Variants in IQGAP2 observed in about 807,000 individuals in gnomAD.
IQGAP2 encodes the protein ras GTPase-activating-like protein IQGAP2.
A neutral mutation model predicts 201.3 loss-of-function variants in IQGAP2; 173 were observed. That is an observed-to-expected ratio of 0.86 (90% CI 0.76 to 0.98). The LOEUF (loss-of-function observed/expected upper bound fraction) is 0.98. IQGAP2 is among the 50% of genes least tolerant of loss of function. The probability of loss-of-function intolerance (pLI) is 0.00; values close to 1 mark genes in which losing one functional copy is unlikely to be tolerated. For synonymous variants in IQGAP2, 675 were observed against 673.9 expected (o/e 1.00, Z -0.03); for missense variants, 1,687 against 1,864.8 (o/e 0.90, Z 1.76).
Position 76,403,412 on chromosome 5 carries a change from G to A in IQGAP2, c.-134G>A. ...GAGAGCACCGAGGGAGTGGGTCGCAGATCTTCGGGCGGCTAGGGGAAATCG... is the reference window on the plus strand; with the variant it reads ...GAGAGCACCGAGGGAGTGGGTCGCAAATCTTCGGGCGGCTAGGGGAAATCG... On this transcript the variant is annotated 5_prime_UTR_variant, in exon 1 of 36. Coordinates refer to ENST00000274364, the MANE Select transcript of IQGAP2 (RefSeq NM_006633.5). This position sits in a 1 kb window ranked among gnomAD's most constrained non-coding sequence, Gnocchi z 4.8. 1.7e-6 allele frequency: 1 copy of A among 600,582 alleles called. No homozygotes were observed. Among genetic ancestry groups the A allele is most frequent in the South Asian group, 4.2e-5 (1 of 23,900 alleles). The allele number at this position is 600,582 out of a possible 1,614,324, so 37.2% of individuals were successfully genotyped here.
chr5:76,662,827 C>T (rs932738000), intron 21 of IQGAP2, among the ~76,000 whole-genome samples: 2 of 152,116 alleles, frequency 1.3e-5, no homozygotes, highest in African/African-American at 4.8e-5. Flanking sequence ...GGAAATGTTG[C>T]TTTTTTAAAA....
At chr5:76,522,322 A>G (rs544757280) in intron 2 of IQGAP2, among the ~76,000 whole-genome samples, 30 of 152,088 alleles carry the variant, frequency 2.0e-4, no homozygotes, top group Admixed American at 9.8e-4. Flanking sequence ...AGCTGGGATT[A>G]TAGGTGCCTG....
intron 2 of IQGAP2, among the ~76,000 whole-genome samples, chr5:76,465,566 T>A (rs10054147): frequency 1.3e-5 from 2 of 152,004 alleles, no homozygotes; most frequent in African/African-American, 4.8e-5. Flanking sequence ...GGCATCCAGG[T>A]TAGAAAGGAA....
intron 35 of IQGAP2, among the ~76,000 whole-genome samples, chr5:76,706,393 G>A (rs1484827858): frequency 1.3e-5 from 2 of 152,064 alleles, no homozygotes; most frequent in Non-Finnish European, 2.9e-5. Flanking sequence ...TGTCGCTGAG[G>A]CTGGAGTACA....
rs1580555239 is a variant in IQGAP2, at chr5:76,597,474, C to G, written c.943C>G (p.Pro315Ala). ...AGTGGACCATATCAATGCTGTCATT[C>G]CGGAAGGTGACCCCGAGAATACGCT... ...AAVDHINAVI[P>A]EGDPENTLLA... The change falls in exon 10 of 36, where the codon CCG becomes GCG. Residue 315 changes from proline to alanine, a missense_variant. Coordinates refer to ENST00000274364, the MANE Select transcript of IQGAP2 (RefSeq NM_006633.5). The G allele has an allele frequency of 6.2e-7, 1 of 1,613,994 alleles. No individual in the cohort carries two copies. The highest frequency in any genetic ancestry group is 2.2e-5 in the East Asian group (1 of 44,878).
chr5:76,502,493 G>A (rs1004367120), intron 2 of IQGAP2, among the ~76,000 whole-genome samples: 12 of 152,188 alleles, frequency 7.9e-5, no homozygotes, highest in Admixed American at 2.0e-4. Flanking sequence ...ACCACTTGCT[G>A]AGGGACAATA....
At chr5:76,595,243 C>CTTTTTTTTT (rs1180358517) in intron 9 of IQGAP2, among the ~76,000 whole-genome samples, 7 of 35,304 alleles carry the variant, frequency 2.0e-4, no homozygotes, top group Admixed American at 3.3e-4. Context: ...CATTTCTTTG[C>CTTTTTTTTT]TTTTTTTTTT....
At chr5:76,617,546 C>G in intron 13 of IQGAP2, 1 of 1,520,560 alleles carries the variant, frequency 6.6e-7, no homozygotes, top group East Asian at 2.3e-5. Context: ...CAGACGTTCT[C>G]TGTGATGGCT....
intron 5 of IQGAP2, among the ~76,000 whole-genome samples, chr5:76,587,147 C>G (rs1746304049): frequency 6.6e-6 from 1 of 152,134 alleles, no homozygotes; most frequent in African/African-American, 2.4e-5. Context: ...CCTAAGAGAA[C>G]AGAGCTAGAA....
chr5:76,634,962 G>T (rs550698254), intron 15 of IQGAP2, among the ~76,000 whole-genome samples: 1 of 152,300 alleles, frequency 6.6e-6, no homozygotes, highest in Admixed American at 6.5e-5. Flanking sequence ...CTGGAAAGTA[G>T]CTCTCCTCAG....
intron 15 of IQGAP2, among the ~76,000 whole-genome samples, chr5:76,633,093 A>G (rs915078508): frequency 3.3e-5 from 5 of 152,174 alleles, no homozygotes; most frequent in African/African-American, 1.2e-4. Context: ...CCTAATTTCA[A>G]ATTCATCCTG....
At chr5:76,492,520 AGATTTCCTGTT>A (rs1346404918) in intron 2 of IQGAP2, among the ~76,000 whole-genome samples, 4 of 152,230 alleles carry the variant, frequency 2.6e-5, no homozygotes, top group African/African-American at 9.6e-5. Flanking sequence ...GTTGGAGCAG[AGATTTCCTGTT>A]CTGGAATTAG....
chr5:76,575,763 C>A lies in IQGAP2; in HGVS notation c.452C>A (p.Ala151Glu). Reference sequence around the variant, plus strand: ...CCAAGAATGATATATTGCATTCACGCACTGAGGTAGGGGGAAAATGCAGCT... The same window carrying A: ...CCAAGAATGATATATTGCATTCACGAACTGAGGTAGGGGGAAAATGCAGCT... ...NIPRMIYCIHALSLYLFKLGI... is the reference protein window; with the variant it reads ...NIPRMIYCIHELSLYLFKLGI... Residue 151 changes from alanine to glutamate, a missense_variant, in exon 5 of 36, where the codon GCA (alanine) becomes GAA (glutamate). Physicochemically the swap from Ala to Glu is moderately radical, Grantham distance 107. Coordinates refer to ENST00000274364, the MANE Select transcript of IQGAP2 (RefSeq NM_006633.5). 2 of 1,564,158 alleles carry A rather than the reference C, an allele frequency of 1.3e-6. No homozygotes were observed. The highest frequency in any genetic ancestry group is 1.2e-5 in the South Asian group (1 of 83,434).
intron 2 of IQGAP2, among the ~76,000 whole-genome samples, chr5:76,560,079 G>T (rs972838140): frequency 6.6e-6 from 1 of 152,148 alleles, no homozygotes; most frequent in Non-Finnish European, 1.5e-5. Context: ...ATTTATTTCA[G>T]TGTTTAACAT....
At chr5:76,619,963 G>T (rs1440855488) in intron 13 of IQGAP2, among the ~76,000 whole-genome samples, 1 of 152,094 alleles carries the variant, frequency 6.6e-6, no homozygotes, top group Non-Finnish European at 1.5e-5. Flanking sequence ...ATGGAAGAAA[G>T]GGTCATAACC....
chr5:76,577,521 A>G (rs1032758829), intron 5 of IQGAP2, among the ~76,000 whole-genome samples: 2 of 152,200 alleles, frequency 1.3e-5, no homozygotes, highest in Non-Finnish European at 2.9e-5. Flanking sequence ...TATCTTCAAA[A>G]GCAATATTTA....
At chr5:76,404,133 T>TGGCCTCACAGGTGTAAG (rs1750663904) in intron 1 of IQGAP2, among the ~76,000 whole-genome samples, 1 of 152,070 alleles carries the variant, frequency 6.6e-6, no homozygotes, top group Non-Finnish European at 1.5e-5. Context: ...CTAGAGCCAT[T>TGGCCTCACAGGTGTAAG]GGCCTCACAG....
intron 17 of IQGAP2, among the ~76,000 whole-genome samples, chr5:76,644,344 G>A (rs1157230554): frequency 4.1e-5 from 4 of 98,224 alleles, no homozygotes; most frequent in African/African-American, 1.5e-4. Flanking sequence ...CTGTCGCCCA[G>A]GCTGGAGTGC....
chr5:76,601,657 CA>C (rs1417813354), intron 11 of IQGAP2, among the ~76,000 whole-genome samples: 10 of 152,122 alleles, frequency 6.6e-5, no homozygotes, highest in African/African-American at 2.2e-4. Flanking sequence ...TTGTAACCAC[CA>C]GGGGGAGATG....
Sources: allele counts gnomAD v4.1 joint callset (sites outside exome capture counted in the v4.1 genomes callset), GRCh38; gene constraint gnomAD v4.1.1; non-coding constraint Gnocchi (gnomAD v3.1); transcripts MANE v1.5; gene names NCBI Gene and HGNC (gene_info 2026-07-23, HGNC 2026-07-21).